The following STXBP5L variants were observed in gnomAD, a reference collection of about 807,000 sequenced individuals.
STXBP5L encodes the protein syntaxin-binding protein 5-like.
A neutral mutation model predicts 144.5 loss-of-function variants in STXBP5L; 65 were observed. That is an observed-to-expected ratio of 0.45 (90% CI 0.37 to 0.55). STXBP5L has a LOEUF of 0.55. STXBP5L is among the 20% of genes least tolerant of loss of function. STXBP5L has a pLI of 0.00. For missense variants in STXBP5L, 1,298 were observed against 1,405.5 expected, an observed-to-expected ratio of 0.92 and a Z score of 1.22; for synonymous variants, 505 against 469.6, an observed-to-expected ratio of 1.08 and a Z score of -0.97.
chr3:120,928,315 T>G (rs1709745144), intron 2 of STXBP5L, among the ~76,000 whole-genome samples: 1 of 152,060 alleles, frequency 6.6e-6, no homozygotes, highest in African/African-American at 2.4e-5. Flanking sequence ...CAGGCTGGAG[T>G]GCAGTGGCGA....
chr3:121,175,598 G>A (rs1237629633), intron 9 of STXBP5L, among the ~76,000 whole-genome samples: 1 of 151,856 alleles, frequency 6.6e-6, no homozygotes, highest in East Asian at 1.9e-4. Flanking sequence ...AGTAAATAGT[G>A]GAGATGAAAT....
chr3:120,990,209 T>C (rs1028642792), intron 3 of STXBP5L, among the ~76,000 whole-genome samples: 2 of 152,158 alleles, frequency 1.3e-5, no homozygotes, highest in Non-Finnish European at 2.9e-5. Context: ...CCATTCACAA[T>C]TGCTTCAAAG....
chr3:121,401,337 G>A (rs1274692431), intron 22 of STXBP5L, among the ~76,000 whole-genome samples: 5 of 151,960 alleles, frequency 3.3e-5, no homozygotes, highest in Admixed American at 6.6e-5. Flanking sequence ...TCAGTGTGGC[G>A]ATTCCTCAGG....
At chr3:121,362,627 G>A (rs528408269) in intron 20 of STXBP5L, among the ~76,000 whole-genome samples, 1 of 152,142 alleles carries the variant, frequency 6.6e-6, no homozygotes, top group Admixed American at 6.5e-5. Flanking sequence ...AGCCTTCACG[G>A]CAGTGAGTTA....
chr3:121,200,950 G>A (rs1160918948), intron 9 of STXBP5L, among the ~76,000 whole-genome samples: 1 of 152,178 alleles, frequency 6.6e-6, no homozygotes, highest in African/African-American at 2.4e-5. Flanking sequence ...TGAGAAGAAT[G>A]TATATTCTGT....
At chr3:121,241,693 T>C (rs1169351018) in intron 14 of STXBP5L, among the ~76,000 whole-genome samples, 1 of 151,644 alleles carries the variant, frequency 6.6e-6, no homozygotes, top group Non-Finnish European at 1.5e-5. Context: ...CAGAAATAAA[T>C]GAGGAAGGAA....
At chr3:120,935,070 GT>G (rs1277608071) in intron 2 of STXBP5L, among the ~76,000 whole-genome samples, 9 of 149,194 alleles carry the variant, frequency 6.0e-5, no homozygotes, top group Non-Finnish European at 9.0e-5. Context: ...GTTCTTTCTG[GT>G]TTTTTTTTGG....
chr3:120,991,384 G>C (rs1321761797), intron 3 of STXBP5L, among the ~76,000 whole-genome samples: 4 of 151,794 alleles, frequency 2.6e-5, no homozygotes, highest in Non-Finnish European at 5.9e-5. Context: ...GTGGTGGTGG[G>C]ACTGTAAACT....
rs1360932025 is a variant in STXBP5L, at chr3:121,318,680, A to G, written c.2176+140A>G. The stretch of plus-strand genomic sequence containing the variant: ...CATTCATTAAATTTACTGTAAGCAA[A>G]TTTGATTCCAAATATCAAATACAAA... On this transcript the variant is annotated intron_variant, in intron 20 of 26. Coordinates refer to ENST00000471454, the MANE Select transcript of STXBP5L (RefSeq NM_001308330.2). 2.8e-5 allele frequency: 14 copies of G among 497,864 alleles called. No homozygotes were observed. In the East Asian group the frequency reaches 5.1e-4, roughly 18 times the overall value. 30.8% of individuals were successfully genotyped at this position (497,864 alleles called of 1,614,324 possible). A position where few individuals can be genotyped will look rare whatever the true frequency, so the allele number is the denominator to read the frequency against.
At position 121,257,467 on chromosome 3, in the gene STXBP5L, T is replaced by A. The variant is rs1577318964; in HGVS notation, c.1832+134T>A. The A allele has an allele frequency of 5.5e-6, 4 of 722,418 alleles. No homozygotes were observed. In the East Asian group the frequency reaches 1.1e-4, roughly 20 times the overall value. 44.8% of individuals were successfully genotyped at this position (722,418 alleles called of 1,614,324 possible). On this transcript the variant is annotated intron_variant, in intron 17 of 26. Coordinates refer to ENST00000471454, the MANE Select transcript of STXBP5L (RefSeq NM_001308330.2). ...ATCTACAATTCTTCAGGGGTTACTC[T>A]GGTCTTTTCTTTGAACATCTGTGAA... is the stretch of plus-strand genomic sequence containing the variant.
chr3:120,990,062 T>C (rs1474736666), intron 3 of STXBP5L, among the ~76,000 whole-genome samples: 1 of 151,876 alleles, frequency 6.6e-6, no homozygotes, highest in Non-Finnish European at 1.5e-5. Flanking sequence ...GAAAACCCCA[T>C]TGTCTCAGCC....
intron 2 of STXBP5L, among the ~76,000 whole-genome samples, chr3:120,912,623 C>CAA (rs555613375): frequency 0.11 from 13,723 of 125,144 alleles, 989 homozygotes; most frequent in Admixed American, 0.22. Context: ...CAAGGTCAGC[C>CAA]AAAAAAAAAA....
At chr3:121,370,139 G>A (rs915485549) in intron 20 of STXBP5L, among the ~76,000 whole-genome samples, 2 of 152,182 alleles carry the variant, frequency 1.3e-5, no homozygotes, top group Non-Finnish European at 1.5e-5. Flanking sequence ...GTCGAGGCAG[G>A]TGGATCACTT....
At chr3:121,335,251 G>T (rs943360498) in intron 20 of STXBP5L, among the ~76,000 whole-genome samples, 2 of 152,014 alleles carry the variant, frequency 1.3e-5, no homozygotes, top group East Asian at 1.9e-4. Context: ...AGCTTAAAAG[G>T]AAGGTGAAAG....
chr3:121,110,546 A>G (rs2043932986), intron 5 of STXBP5L, among the ~76,000 whole-genome samples: 2 of 152,232 alleles, frequency 1.3e-5, no homozygotes, highest in Non-Finnish European at 2.9e-5. Flanking sequence ...AAATTGTTAA[A>G]TATTGGCCCC....
At chr3:121,209,420 T>G (rs2048467377) in intron 10 of STXBP5L, among the ~76,000 whole-genome samples, 1 of 152,004 alleles carries the variant, frequency 6.6e-6, no homozygotes, top group Admixed American at 6.6e-5. Context: ...TTTTTATGTT[T>G]TTTTATTTTT....
chr3:121,220,282 C>T (rs2048934527), intron 10 of STXBP5L, among the ~76,000 whole-genome samples: 1 of 152,046 alleles, frequency 6.6e-6, no homozygotes, highest in African/African-American at 2.4e-5. Context: ...GAGATTCATC[C>T]AAGTTATGTA....
chr3:121,217,615 T>G (rs994980134), intron 10 of STXBP5L, among the ~76,000 whole-genome samples: 2 of 151,720 alleles, frequency 1.3e-5, no homozygotes, highest in African/African-American at 4.8e-5. Context: ...AGACCAGAGC[T>G]GTTCCTATTT....
At chr3:120,966,361 GT>G (rs1939574423) in intron 3 of STXBP5L, among the ~76,000 whole-genome samples, 1 of 152,162 alleles carries the variant, frequency 6.6e-6, no homozygotes, top group South Asian at 2.1e-4. Flanking sequence ...GGAAGTGGCA[GT>G]TTGATTTTTA....
Sources: gnomAD v4.1 joint callset for allele counts (sites outside exome capture counted in the v4.1 genomes callset) on GRCh38, gnomAD v4.1.1 for gene constraint, MANE v1.5 for transcripts, NCBI Gene and HGNC (gene_info 2026-07-23, HGNC 2026-07-21) for gene names.